FGF14: variants seen among roughly 807,000 people sequenced by gnomAD.
FGF14 encodes the protein fibroblast growth factor 14, also known as fibroblast growth factor homologous factor 4.
In FGF14, 5 loss-of-function variants were observed where a neutral mutation model predicts 25.5. The ratio of observed to expected loss-of-function variants is 0.20; its 90% confidence interval spans 0.10 to 0.41. The LOEUF is 0.41. Among genes scored for constraint, FGF14 ranks in the 10% least tolerant of loss-of-function variants. The pLI, the probability that FGF14 is intolerant of heterozygous loss-of-function variation, is 1.00. For synonymous variants in FGF14, 138 were observed against 118.3 expected (o/e 1.17, Z -1.08); for missense variants, 222 against 320.1 (o/e 0.69, Z 2.34).
At chr13:101,821,024 T>C (rs2042118450) in intron 3 of FGF14, among the ~76,000 whole-genome samples, 1 of 148,080 alleles carries the variant, frequency 6.8e-6, no homozygotes, top group Non-Finnish European at 1.5e-5. Flanking sequence ...CTCGGCTCAC[T>C]GCAGGCTCCG....
chr13:102,230,605 G>A (rs1224082631), intron 1 of FGF14, among the ~76,000 whole-genome samples: 1 of 152,150 alleles, frequency 6.6e-6, no homozygotes, highest in Non-Finnish European at 1.5e-5. Flanking sequence ...GTAGCAGGTG[G>A]AAAGGGTAAA....
At position 102,099,748 on chromosome 13, in the gene FGF14, A is replaced by G. The variant is rs369470641; in HGVS notation, c.209-224452T>C. On this transcript the variant is annotated intron_variant, in intron 1 of 4. Transcript: ENST00000376131. ...TTATTATTAAATTATTTGTTAATAAATGCATGTGTATATTAGTATTTATTT... is the reference window on the plus strand; with the variant it reads ...TTATTATTAAATTATTTGTTAATAAGTGCATGTGTATATTAGTATTTATTT... 2.4e-4 allele frequency among the ~76,000 whole-genome samples: 37 copies of G among 152,230 alleles called. No individual in the cohort carries two copies. The East Asian group carries it at 6.6e-3, about 27-fold the overall frequency.
At chr13:101,898,867 GAAAGGA>G (rs1212385216) in intron 1 of FGF14, among the ~76,000 whole-genome samples, 1 of 152,180 alleles carries the variant, frequency 6.6e-6, no homozygotes, top group African/African-American at 2.4e-5. Context: ...CATTTTGGAA[GAAAGGA>G]AAACATATGG....
chr13:101,973,629 C>T (rs193145087), intron 1 of FGF14, among the ~76,000 whole-genome samples: 82 of 152,232 alleles, frequency 5.4e-4, no homozygotes, highest in Middle Eastern at 3.4e-3. Flanking sequence ...GCATCCAGCA[C>T]GGGAGAAAGA....
At chr13:102,104,925 T>C (rs1327460415) in intron 1 of FGF14, among the ~76,000 whole-genome samples, 1 of 152,184 alleles carries the variant, frequency 6.6e-6, no homozygotes. Context: ...CATAGGGGTA[T>C]TTAGAGATTA....
chr13:101,817,608 C>T lies in FGF14; in HGVS notation c.408+51117G>A, dbSNP rs528212553. ...ACTTCAACTAATCTTTTATTTTTCA[C>T]TTTAATTCACTTTTTCCCTTTAACT... is the stretch of plus-strand genomic sequence containing the variant. On this transcript the variant is annotated intron_variant, in intron 3 of 4. Coordinates refer to ENST00000376143, the MANE Select transcript of FGF14 (RefSeq NM_004115.4). Among the ~76,000 whole-genome samples the T allele has an allele frequency of 2.8e-4, 42 of 152,266 alleles. No homozygotes were observed. The Middle Eastern group carries it at 0.01, about 37-fold the overall frequency.
intron 1 of FGF14, among the ~76,000 whole-genome samples, chr13:102,396,553 A>G (rs1334552799): frequency 8.5e-5 from 13 of 152,222 alleles, no homozygotes; most frequent in Non-Finnish European, 1.9e-4. Flanking sequence ...TTGCTAAAAC[A>G]TGGAAGACTG....
intron 1 of FGF14, among the ~76,000 whole-genome samples, chr13:102,063,093 C>T (rs995662288): frequency 1.3e-5 from 2 of 152,094 alleles, no homozygotes; most frequent in Admixed American, 1.3e-4. Context: ...GTATATAGAT[C>T]AGTGCTTCCA....
intron 1 of FGF14, among the ~76,000 whole-genome samples, chr13:102,192,010 T>G (rs2049143660): frequency 6.6e-6 from 1 of 152,192 alleles, no homozygotes; most frequent in Non-Finnish European, 1.5e-5. Flanking sequence ...TTAATGCCAT[T>G]TATTCTAGAC....
intron 1 of FGF14, among the ~76,000 whole-genome samples, chr13:101,945,710 C>T (rs888262735): frequency 5.9e-5 from 9 of 152,232 alleles, no homozygotes; most frequent in Non-Finnish European, 1.0e-4. Flanking sequence ...CTCATCCCTA[C>T]CTCCCACTGC....
At chr13:102,343,461 C>A (rs533571643) in intron 1 of FGF14, among the ~76,000 whole-genome samples, 4 of 152,130 alleles carry the variant, frequency 2.6e-5, no homozygotes, top group African/African-American at 9.7e-5. Flanking sequence ...TGTTGCAAGG[C>A]CTGCTCAAGC....
At chr13:101,911,337 G>T (rs1021037881) in intron 1 of FGF14, among the ~76,000 whole-genome samples, 1 of 152,068 alleles carries the variant, frequency 6.6e-6, no homozygotes. Context: ...TGTTAGGAAA[G>T]GTCACAGGAT....
chr13:101,830,269 T>C (rs1366174643), intron 3 of FGF14, among the ~76,000 whole-genome samples: 1 of 151,982 alleles, frequency 6.6e-6, no homozygotes, highest in Admixed American at 6.6e-5. Flanking sequence ...ACAGTTATCC[T>C]GGGCCTGGGA....
intron 1 of FGF14, among the ~76,000 whole-genome samples, chr13:102,044,748 CAAG>C (rs1016592085): frequency 1.3e-5 from 2 of 152,140 alleles, no homozygotes; most frequent in African/African-American, 4.8e-5. Context: ...CTCCACCACT[CAAG>C]AAGAAGAAAG....
chr13:102,391,892 T>A (rs1047410385), intron 1 of FGF14, among the ~76,000 whole-genome samples: 1 of 152,224 alleles, frequency 6.6e-6, no homozygotes, highest in Non-Finnish European at 1.5e-5. Context: ...ACAGCAGCAA[T>A]ACAACTAAAG....
In FGF14 at chr13:102,202,947, GGA is replaced by G. The variant is rs1416611546; in HGVS notation, c.208+198522_208+198523del. On this transcript the variant is annotated intron_variant, in intron 1 of 4. Coordinates refer to the FGF14 transcript ENST00000376131. ...CCACAGGCCTCGATACTGGTGCTCAGGAGGCAGTGCTGTCCAAACCTTCAGTC... is the reference window on the plus strand; with the variant it reads ...CCACAGGCCTCGATACTGGTGCTCAGGGCAGTGCTGTCCAAACCTTCAGTC... Among the ~76,000 whole-genome samples the G allele has an allele frequency of 1.4e-4, 22 of 152,290 alleles. No individual in the cohort carries two copies. In the East Asian group the frequency reaches 3.9e-3, roughly 27 times the overall value.
chr13:102,242,749 A>T (rs1488264657), intron 1 of FGF14, among the ~76,000 whole-genome samples: 1 of 152,074 alleles, frequency 6.6e-6, no homozygotes, highest in African/African-American at 2.4e-5. Context: ...TCCTCTGGGC[A>T]TATCCACTTC....
intron 3 of FGF14, among the ~76,000 whole-genome samples, chr13:101,770,299 A>G (rs1022989101): frequency 6.6e-6 from 1 of 152,044 alleles, no homozygotes; most frequent in Non-Finnish European, 1.5e-5. Flanking sequence ...TAATTCCCTC[A>G]TGTTTGCTAT....
At chr13:101,752,201 A>G (rs950487649) in intron 3 of FGF14, among the ~76,000 whole-genome samples, 2 of 152,206 alleles carry the variant, frequency 1.3e-5, no homozygotes, top group African/African-American at 4.8e-5. Context: ...TGAAGTCTGT[A>G]AGTAAAGAAA....
Sources: allele counts gnomAD v4.1 joint callset (sites outside exome capture counted in the v4.1 genomes callset), GRCh38; gene constraint gnomAD v4.1.1; transcripts MANE v1.5; gene names NCBI Gene and HGNC (gene_info 2026-07-23, HGNC 2026-07-21).